SCN11A: variants seen among roughly 807,000 people sequenced by gnomAD.
The protein encoded by SCN11A is sodium channel protein type 11 subunit alpha.
In SCN11A, 122 loss-of-function variants were observed where a neutral mutation model predicts 162.2. That is an observed-to-expected ratio of 0.75 (90% CI 0.65 to 0.87). The LOEUF (loss-of-function observed/expected upper bound fraction) is 0.87. Among genes scored for constraint, SCN11A ranks in the 40% least tolerant of loss-of-function variants. The probability of loss-of-function intolerance (pLI) is 0.00; values close to 1 mark genes in which losing one functional copy is unlikely to be tolerated. For missense variants in SCN11A, 2,015 were observed against 2,181.6 expected (o/e 0.92, Z 1.52); for synonymous variants, 758 against 751.5 (o/e 1.01, Z -0.14).
intron 2 of SCN11A, among the ~76,000 whole-genome samples, chr3:39,025,123 A>G (rs1163824242): frequency 6.6e-6 from 1 of 151,980 alleles, no homozygotes; most frequent in African/African-American, 2.4e-5. Flanking sequence ...AGCTTCTAAG[A>G]GCCCCCCTTA....
Position 38,926,883 on chromosome 3 carries a change from C to A in SCN11A, c.537G>T (p.Leu179Phe). ...IYIFEALIKI[L>F]ARGFILDEFS... The stretch of plus-strand genomic sequence containing the variant: ...ACTCATCCAGAATGAAACCTCTTGC[C>A]AATATTTTAATCAAAGCTTCAAAAA... Residue 179 changes from leucine to phenylalanine, a missense_variant, in exon 8 of 30, where the codon TTG (leucine) becomes TTT (phenylalanine). Coordinates refer to ENST00000302328, the MANE Select transcript of SCN11A (RefSeq NM_001349253.2). 1 of 1,613,096 alleles carries A rather than the reference C, an allele frequency of 6.2e-7. No individual in the cohort carries two copies. The highest frequency in any genetic ancestry group is 8.5e-7 in the Non-Finnish European group (1 of 1,179,094).
Position 38,894,669 on chromosome 3 carries a change from A to G in SCN11A, c.2699T>C (p.Leu900Pro). 6.2e-7 allele frequency: 1 copy of G among 1,614,122 alleles called. No individual in the cohort carries two copies. The highest frequency in any genetic ancestry group is 8.5e-7 in the Non-Finnish European group (1 of 1,179,964). ...GCCCAGGGTCTTTGGTACAGAGGTTAGTATACCAAGCTCCTCCTGGGTCTC... is the reference window on the plus strand; with the variant it reads ...GCCCAGGGTCTTTGGTACAGAGGTTGGTATACCAAGCTCCTCCTGGGTCTC... Reference protein sequence around the residue: ...GSETQEELGILTSVPKTLGVR... With the variant: ...GSETQEELGIPTSVPKTLGVR... Residue 900 changes from leucine (L) to proline (P), a missense_variant, in exon 19 of 30, where the codon CTA (leucine) becomes CCA (proline). Leu to Pro is a moderately conservative substitution (Grantham distance 98). Coordinates refer to ENST00000302328, the MANE Select transcript of SCN11A (RefSeq NM_001349253.2).
chr3:38,887,362 C>T (rs2065418403), intron 19 of SCN11A, among the ~76,000 whole-genome samples: 1 of 150,664 alleles, frequency 6.6e-6, no homozygotes, highest in Non-Finnish European at 1.5e-5. Context: ...CACCACCTGG[C>T]ACCTCCTAGC....
At chr3:39,026,200 A>C (rs2031584361) in intron 2 of SCN11A, 1 of 152,222 alleles carries the variant, frequency 6.6e-6, no homozygotes, top group Admixed American at 6.5e-5. Context: ...GATTGTCTGC[A>C]ATGATTTCTC....
intron 27 of SCN11A, among the ~76,000 whole-genome samples, chr3:38,866,497 C>T (rs1173671172): frequency 6.6e-6 from 1 of 152,118 alleles, no homozygotes; most frequent in Non-Finnish European, 1.5e-5. Context: ...TGGGATTACA[C>T]GCATGAGCCA....
intron 19 of SCN11A, among the ~76,000 whole-genome samples, chr3:38,888,301 A>G (rs1474525864): frequency 6.6e-6 from 1 of 152,244 alleles, no homozygotes; most frequent in Admixed American, 6.5e-5. Flanking sequence ...ATTATTAGAC[A>G]ACAACCCAAA....
Position 38,894,685 on chromosome 3 carries a change from C to T in SCN11A, c.2683G>A (p.Glu895Lys). The T allele has an allele frequency of 6.2e-7, 1 of 1,614,176 alleles. No individual in the cohort carries two copies. Among genetic ancestry groups the T allele is most frequent in the African/African-American group, 1.3e-5 (1 of 75,042 alleles). ...MEMKRGSETQ[E>K]ELGILTSVPK... Reference sequence around the variant, plus strand: ...ACAGAGGTTAGTATACCAAGCTCCTCCTGGGTCTCTGAGCCCCTTTTCATC... The same window carrying T: ...ACAGAGGTTAGTATACCAAGCTCCTTCTGGGTCTCTGAGCCCCTTTTCATC... Residue 895 changes from glutamate to lysine, a missense_variant, in exon 19 of 30, where the codon GAG becomes AAG. By Grantham distance (56) the Glu-to-Lys change is moderately conservative (BLOSUM62 1). Transcript: ENST00000302328.
chr3:38,946,679 T>C (rs1416051759), intron 6 of SCN11A, 110 bp downstream of exon 6: 1 of 741,538 alleles, frequency 1.3e-6, no homozygotes, highest in African/African-American at 1.8e-5. Context: ...ACTCAGCCAG[T>C]ATTTGTAGAA....
In SCN11A at chr3:38,850,547, T is replaced by A. The variant is rs1224338798; in HGVS notation, c.4261A>T (p.Arg1421Trp). The A allele has an allele frequency of 1.1e-5, 18 of 1,613,792 alleles. No individual in the cohort carries two copies. The highest frequency in any genetic ancestry group is 1.5e-5 in the Non-Finnish European group (18 of 1,179,848). ...LECLIKIFALRQYYFTNGWNL... is the reference protein window; with the variant it reads ...LECLIKIFALWQYYFTNGWNL... ...CAGCCATTGGTGAAGTAGTATTGCC[T>A]CAAAGCAAAGATTTTGATGAGACAT... The change falls in exon 29 of 30, where the codon AGG becomes TGG. Residue 1421 changes from arginine to tryptophan, a missense_variant. Transcript: ENST00000302328.
At chr3:38,906,934 C>G (rs558675071) in intron 14 of SCN11A, among the ~76,000 whole-genome samples, 1 of 152,080 alleles carries the variant, frequency 6.6e-6, no homozygotes, top group Admixed American at 6.5e-5. Flanking sequence ...CGTGCGTGCA[C>G]GCGCATACAC....
At chr3:38,966,189 G>A (rs1021386531) in intron 2 of SCN11A, among the ~76,000 whole-genome samples, 4 of 152,158 alleles carry the variant, frequency 2.6e-5, no homozygotes, top group African/African-American at 7.2e-5. Flanking sequence ...GCAAGTTTCT[G>A]AGGGTTTTTG....
intron 1 of SCN11A, among the ~76,000 whole-genome samples, chr3:39,041,917 G>A (rs2032056456): frequency 6.6e-6 from 1 of 152,130 alleles, no homozygotes; most frequent in Non-Finnish European, 1.5e-5. Context: ...TAATAACCTT[G>A]AATGTAAATG....
chr3:39,014,627 C>T (rs1222647654), intron 2 of SCN11A, among the ~76,000 whole-genome samples: 1 of 152,102 alleles, frequency 6.6e-6, no homozygotes, highest in African/African-American at 2.4e-5. Context: ...CATAGTAAGA[C>T]CAGTTGAATC....
At chr3:39,026,563 T>G (rs1419388820) in intron 2 of SCN11A, among the ~76,000 whole-genome samples, 1 of 152,142 alleles carries the variant, frequency 6.6e-6, no homozygotes, top group Non-Finnish European at 1.5e-5. Flanking sequence ...GTTAAAGCAG[T>G]GAAGACAAAT....
chr3:38,932,534 C>T (rs1422150280), intron 7 of SCN11A, among the ~76,000 whole-genome samples: 9 of 152,140 alleles, frequency 5.9e-5, no homozygotes, highest in African/African-American at 9.7e-5. Context: ...TGCGCTTTTC[C>T]GACGGGCTTA....
At position 38,950,259 on chromosome 3, in the gene SCN11A, T is replaced by C. The variant is rs746994202; in HGVS notation, c.104A>G (p.Lys35Arg). The C allele has an allele frequency of 1.9e-6, 3 of 1,613,990 alleles. No homozygotes were observed. The East Asian group carries it at 6.7e-5, about 36-fold the overall frequency. ...CTGGTCTTTAGACTTCTTTTTCTCC[T>C]TTTGGATGGCAATCCGCTTCTCAAT... ...AAIEKRIAIQ[K>R]EKKKSKDQTG... The change falls in exon 5 of 30, where the codon AAG becomes AGG. Residue 35 changes from lysine (K) to arginine (R), a missense_variant. Transcript: ENST00000302328.
intron 7 of SCN11A, among the ~76,000 whole-genome samples, chr3:38,932,538 G>A (rs60781306): frequency 0.026 from 3,899 of 152,276 alleles, 166 homozygotes; most frequent in African/African-American, 0.087. Flanking sequence ...CTTTTCCGAC[G>A]GGCTTAAAAA....
intron 2 of SCN11A, among the ~76,000 whole-genome samples, chr3:39,004,592 A>C (rs182874792): frequency 8.5e-5 from 13 of 152,254 alleles, no homozygotes; most frequent in Non-Finnish European, 1.9e-4. Context: ...AATAGCATTG[A>C]ATCTGTAAAT....
intron 11 of SCN11A, among the ~76,000 whole-genome samples, chr3:38,914,321 T>C (rs574426820): frequency 1.1e-4 from 16 of 152,270 alleles, no homozygotes; most frequent in Non-Finnish European, 1.5e-5. Flanking sequence ...ATGCTAGTGG[T>C]TTTCGTACAT....
Sources: allele counts gnomAD v4.1 joint callset (sites outside exome capture counted in the v4.1 genomes callset), GRCh38; gene constraint gnomAD v4.1.1; transcripts MANE v1.5; gene names NCBI Gene and HGNC (gene_info 2026-07-23, HGNC 2026-07-21).